ASIC2: variants seen among roughly 807,000 people sequenced by gnomAD.
ASIC2 encodes the protein acid sensing ion channel subunit 2, also known as acid-sensing ion channel 2.
ASIC2 carries 25 observed loss-of-function variants against 57.3 expected under a neutral mutation model. The observed-to-expected ratio is 0.44, with a 90% CI of 0.32 to 0.61. The LOEUF is 0.61. Among genes scored for constraint, ASIC2 ranks in the 20% least tolerant of loss-of-function variants. ASIC2 has a pLI of 0.06. For missense variants in ASIC2, 641 were observed against 738.1 expected (o/e 0.87, Z 1.52); for synonymous variants, 319 against 307.5 (o/e 1.04, Z -0.39).
chr17:33,891,166 G>T lies in ASIC2; in HGVS notation c.555+264812C>A, dbSNP rs571695985. ...TCCACCCTGTGCACATCTGAACAGG[G>T]AATTAGTCCCAGTGGGGAACATGAT... On this transcript the variant is annotated intron_variant, in intron 1 of 9. Coordinates refer to the ASIC2 transcript ENST00000359872. Among the ~76,000 whole-genome samples the T allele has an allele frequency of 4.6e-5, 7 of 152,274 alleles. No homozygotes were observed. The South Asian group carries it at 1.2e-3, about 27-fold the overall frequency.
intron 1 of ASIC2, among the ~76,000 whole-genome samples, chr17:33,912,436 G>C (rs1339527513): frequency 4.0e-5 from 6 of 148,444 alleles, no homozygotes; most frequent in East Asian, 4.1e-4. Context: ...GAGCTGAGAT[G>C]GCGCCACTGC....
chr17:33,488,389 A>G (rs1422037699), intron 1 of ASIC2, among the ~76,000 whole-genome samples: 1 of 152,210 alleles, frequency 6.6e-6, no homozygotes, highest in African/African-American at 2.4e-5. Context: ...CATTTTTCAA[A>G]TCACACTGCA....
chr17:33,953,848 A>T (rs1274379077), intron 1 of ASIC2, among the ~76,000 whole-genome samples: 1 of 152,142 alleles, frequency 6.6e-6, no homozygotes, highest in Non-Finnish European at 1.5e-5. Flanking sequence ...TATTAAGAGG[A>T]AGGATCAAGA....
intron 1 of ASIC2, among the ~76,000 whole-genome samples, chr17:33,551,139 C>T (rs1476884379): frequency 6.6e-6 from 1 of 152,214 alleles, no homozygotes; most frequent in Non-Finnish European, 1.5e-5. Flanking sequence ...AAACCTACTA[C>T]ACAAAATAAT....
At chr17:33,663,886 G>A (rs1907383745) in intron 1 of ASIC2, among the ~76,000 whole-genome samples, 1 of 152,114 alleles carries the variant, frequency 6.6e-6, no homozygotes, top group African/African-American at 2.4e-5. Context: ...GCTCAGGGCA[G>A]CCCTCCTCAG....
chr17:33,254,016 G>T (rs1908973161), intron 1 of ASIC2, among the ~76,000 whole-genome samples: 4 of 152,178 alleles, frequency 2.6e-5, no homozygotes, highest in Non-Finnish European at 4.4e-5. Flanking sequence ...GGGGACAGCT[G>T]TAGAAGAGAG....
intron 1 of ASIC2, chr17:33,794,254 C>T (rs573885211): frequency 6.6e-6 from 1 of 152,304 alleles, no homozygotes; most frequent in South Asian, 2.1e-4. Flanking sequence ...GTAGTGGGGC[C>T]TCAGGCTTTC....
intron 1 of ASIC2, among the ~76,000 whole-genome samples, chr17:33,414,885 C>A (rs542375961): frequency 6.6e-6 from 1 of 152,318 alleles, no homozygotes; most frequent in South Asian, 2.1e-4. Flanking sequence ...CTCCATGGCT[C>A]CTCTTCCTTC....
intron 1 of ASIC2, among the ~76,000 whole-genome samples, chr17:34,083,058 C>T (rs1389360999): frequency 1.3e-5 from 2 of 151,340 alleles, no homozygotes; most frequent in Non-Finnish European, 2.9e-5. Context: ...TTTTAGGGTA[C>T]ATGTGCACAA....
rs1417285711 is a variant in ASIC2, at chr17:33,372,630, T to A, written c.556-260563A>T. 3.9e-5 allele frequency among the ~76,000 whole-genome samples: 6 copies of A among 152,024 alleles called. No individual in the cohort carries two copies. The East Asian group carries it at 1.2e-3, about 29-fold the overall frequency. On this transcript the variant is annotated intron_variant, in intron 1 of 9. Coordinates refer to the ASIC2 transcript ENST00000359872. ...CCCTCTGGGCTCTGTAATGTTACTC[T>A]CCCACCTCCCACACTCTGGCCTCTC...
intron 1 of ASIC2, among the ~76,000 whole-genome samples, chr17:34,058,084 G>A (rs1908835483): frequency 6.6e-6 from 1 of 152,166 alleles, no homozygotes; most frequent in Admixed American, 6.5e-5. Flanking sequence ...TGTCCAAGAA[G>A]ACTTGTCACA....
intron 1 of ASIC2, among the ~76,000 whole-genome samples, chr17:34,116,176 G>A (rs1441609726): frequency 6.6e-6 from 1 of 152,144 alleles, no homozygotes; most frequent in Non-Finnish European, 1.5e-5. Flanking sequence ...AATTCAATGG[G>A]CAAGGTGGAC....
intron 1 of ASIC2, among the ~76,000 whole-genome samples, chr17:33,937,156 T>C (rs938448767): frequency 6.6e-6 from 1 of 152,298 alleles, no homozygotes; most frequent in African/African-American, 2.4e-5. Flanking sequence ...GGCTGGAGTG[T>C]AGTGGTGCAA....
At chr17:33,553,494 C>CTAT (rs3032154) in intron 1 of ASIC2, among the ~76,000 whole-genome samples, 3,507 of 150,418 alleles carry the variant, frequency 0.023, 118 homozygotes, top group African/African-American at 0.073. Flanking sequence ...TTTATTATTA[C>CTAT]TATTATTATT....
At chr17:33,531,765 T>TG (rs1194175621) in intron 1 of ASIC2, among the ~76,000 whole-genome samples, 3 of 152,116 alleles carry the variant, frequency 2.0e-5, no homozygotes, top group African/African-American at 7.2e-5. Flanking sequence ...TTCTATCACC[T>TG]GGGGGGTGCC....
At chr17:33,939,215 C>T (rs1163602071) in intron 1 of ASIC2, among the ~76,000 whole-genome samples, 1 of 152,212 alleles carries the variant, frequency 6.6e-6, no homozygotes, top group Non-Finnish European at 1.5e-5. Context: ...GGACATCTCC[C>T]GTTTGCCTCA....
rs78154601 is a variant in ASIC2, at chr17:33,811,799, C to A, written c.555+344179G>T. 8.3e-3 allele frequency among the ~76,000 whole-genome samples: 1,265 copies of A among 152,298 alleles called. 22 individuals are homozygous for A. Among genetic ancestry groups the A allele is most frequent in the African/African-American group, 0.029 (1,189 of 41,550 alleles). ...GCTGGGAAGTGGTACAGCTGGAACT[C>A]AAACCCAGACCACAACTCCAAAGTT... On this transcript the variant is annotated intron_variant, in intron 1 of 9. Coordinates refer to the ASIC2 transcript ENST00000359872.
chr17:34,009,054 G>C (rs1475358200), intron 1 of ASIC2, among the ~76,000 whole-genome samples: 2 of 151,984 alleles, frequency 1.3e-5, no homozygotes, highest in Non-Finnish European at 2.9e-5. Context: ...TTTGTTAAAT[G>C]CAAATATTTA....
chr17:34,144,870 G>T (rs1912374900), intron 1 of ASIC2, among the ~76,000 whole-genome samples: 1 of 152,172 alleles, frequency 6.6e-6, no homozygotes, highest in African/African-American at 2.4e-5. Flanking sequence ...CTCCTGGGCA[G>T]GACATTCTCT....
Sources: allele counts gnomAD v4.1 joint callset (sites outside exome capture counted in the v4.1 genomes callset), GRCh38; gene constraint gnomAD v4.1.1; transcripts MANE v1.5; gene names NCBI Gene and HGNC (gene_info 2026-07-23, HGNC 2026-07-21).